HEXD: variants seen among roughly 807,000 people sequenced by gnomAD.
HEXD encodes the protein hexosaminidase D.
A neutral mutation model predicts 54.2 loss-of-function variants in HEXD; 47 were observed. The ratio of observed to expected loss-of-function variants is 0.87; its 90% CI spans 0.69 to 1.11. The LOEUF (loss-of-function observed/expected upper bound fraction) is 1.11. Among genes scored for constraint, HEXD ranks in the 50% least tolerant of loss-of-function variants. The probability of loss-of-function intolerance (pLI) is 0.00; values close to 1 mark genes in which losing one functional copy is unlikely to be tolerated. For missense variants in HEXD, 576 were observed against 649.2 expected, an observed-to-expected ratio of 0.89 and a Z score of 1.23; for synonymous variants, 293 against 287.6, an observed-to-expected ratio of 1.02 and a Z score of -0.19.
intron 2 of HEXD, among the ~76,000 whole-genome samples, chr17:82,421,195 C>T (rs1022160752): frequency 2.0e-5 from 3 of 152,016 alleles, no homozygotes; most frequent in Admixed American, 6.6e-5. Flanking sequence ...CAGGGGAGGC[C>T]GAGGCTGCAA....
intron 4 of HEXD, among the ~76,000 whole-genome samples, chr17:82,433,091 A>AAAAAAAAAAAAATATATAT (rs1555617647): frequency 7.6e-5 from 1 of 13,234 alleles, no homozygotes; most frequent in Non-Finnish European, 1.0e-4. Flanking sequence ...AAAAAAAAAA[A>AAAAAAAAAAAAATATATAT]ATATATATAT....
intron 4 of HEXD, among the ~76,000 whole-genome samples, chr17:82,433,103 T>A (rs1390792475): frequency 0.12 from 1,483 of 12,344 alleles, 270 homozygotes; most frequent in East Asian, 0.75. Context: ...TATATATATA[T>A]ATATATATAT....
chr17:82,438,350 T>A (rs921378062), intron 8 of HEXD, among the ~76,000 whole-genome samples: 11 of 152,070 alleles, frequency 7.2e-5, no homozygotes, highest in African/African-American at 2.2e-4. Flanking sequence ...CTGTCGTGGG[T>A]GTGGGGATGC....
intron 8 of HEXD, among the ~76,000 whole-genome samples, chr17:82,437,823 C>A (rs2053815332): frequency 6.6e-6 from 1 of 152,164 alleles, no homozygotes; most frequent in Non-Finnish European, 1.5e-5. Context: ...AGAGGTGGAG[C>A]CCTCGGAAGG....
At chr17:82,440,481 G>C in intron 9 of HEXD, 1 of 457,068 alleles carries the variant, frequency 2.2e-6, no homozygotes, top group East Asian at 9.5e-5. Context: ...AGTGTCCCTT[G>C]CCCACGGCCC....
At chr17:82,422,482 G>A (rs1480476498) in intron 2 of HEXD, among the ~76,000 whole-genome samples, 1 of 140,450 alleles carries the variant, frequency 7.1e-6, no homozygotes, top group Non-Finnish European at 1.5e-5. Flanking sequence ...GGGCGATAGA[G>A]CAAGACTCAG....
rs2053696898 is a variant in HEXD, at chr17:82,434,305, C to A, written c.447+483C>A. ...CCCAGGGGGTGCCAGAGATGTGCCC[C>A]CTCCAACCCAGTGAGCCCCCACCCT... On this transcript the variant is annotated intron_variant, in intron 5 of 12. Coordinates refer to ENST00000327949, the MANE Select transcript of HEXD (RefSeq NM_001330542.2). This position sits in a 1 kb window ranked among gnomAD's most constrained non-coding sequence, Gnocchi z 4.5. 6.6e-6 allele frequency among the ~76,000 whole-genome samples: 1 copy of A among 152,160 alleles called. No homozygotes were observed. The highest frequency in any genetic ancestry group is 1.9e-4 in the East Asian group (1 of 5,184).
chr17:82,440,231 G>A (rs758585368), intron 9 of HEXD: 84 of 1,289,088 alleles, frequency 6.5e-5, no homozygotes, highest in Non-Finnish European at 7.3e-5. Flanking sequence ...CAGGCCACAC[G>A]GGAAATTAGC....
intron 4 of HEXD, among the ~76,000 whole-genome samples, chr17:82,432,762 T>C (rs1322421160): frequency 6.6e-6 from 1 of 151,596 alleles, no homozygotes; most frequent in African/African-American, 2.4e-5. Flanking sequence ...TTAAACCGAT[T>C]TGGTTTTTAA....
intron 6 of HEXD, among the ~76,000 whole-genome samples, chr17:82,436,256 G>T (rs548096246): frequency 6.6e-5 from 10 of 152,254 alleles, no homozygotes; most frequent in African/African-American, 2.2e-4. Flanking sequence ...GGGCCAAGAG[G>T]TGGTACTCAG....
At chr17:82,432,881 G>A (rs1401651495) in intron 4 of HEXD, among the ~76,000 whole-genome samples, 6 of 147,156 alleles carry the variant, frequency 4.1e-5, no homozygotes, top group East Asian at 2.1e-4. Flanking sequence ...GGCTAACACG[G>A]TGAAACCCCG....
chr17:82,433,788 C>T lies in HEXD; in HGVS notation c.413C>T (p.Pro138Leu), dbSNP rs769432330. The change falls in exon 5 of 13, where the codon CCA becomes CTA. Residue 138 changes from proline (P) to leucine (L), a missense_variant. Transcript: ENST00000327949. ...AMIDQVLELHPGAQRLHIGCD... is the reference protein window; with the variant it reads ...AMIDQVLELHLGAQRLHIGCD... ...ATTGACCAGGTCCTGGAGCTACACC[C>T]AGGCGCCCAGCGGCTGCACATCGGG... The T allele has an allele frequency of 5.0e-6, 8 of 1,612,914 alleles. No individual in the cohort carries two copies. The Admixed American group carries it at 1.2e-4, about 24-fold the overall frequency.
chr17:82,438,561 T>C (rs1309930845), intron 8 of HEXD, among the ~76,000 whole-genome samples: 1 of 152,206 alleles, frequency 6.6e-6, no homozygotes. Flanking sequence ...AGAGCTAAGA[T>C]AAACCCCTGG....
chr17:82,424,747 G>T (rs181148569), intron 3 of HEXD, among the ~76,000 whole-genome samples: 57 of 152,372 alleles, frequency 3.7e-4, no homozygotes, highest in Non-Finnish European at 1.5e-5. Context: ...CATCAGCAGC[G>T]CCCCCTACAG....
rs1416253355 is a variant in HEXD at position 82,442,174 on chromosome 17, C to T, written c.1254-3C>T. The T allele has an allele frequency of 6.3e-7, 1 of 1,593,150 alleles. No individual in the cohort carries two copies. The highest frequency in any genetic ancestry group is 8.5e-7 in the Non-Finnish European group (1 of 1,172,578). On this transcript the variant is annotated splice_polypyrimidine_tract_variant and splice_region_variant and intron_variant, in intron 12 of 12. Transcript: ENST00000327949. This position sits in a 1 kb window ranked among gnomAD's most constrained non-coding sequence, Gnocchi z 6.8. ...TGTGCGTTCATGGCGCCCTCACCTG[C>T]AGCCTCCTGGCACAGTGGAGCACCC... is the stretch of plus-strand genomic sequence containing the variant.
rs766571464 is a variant in HEXD at position 82,442,324 on chromosome 17, G to A, written c.1401G>A (p.Glu467=). 1.9e-6 allele frequency: 3 copies of A among 1,610,548 alleles called. No homozygotes were observed. Among genetic ancestry groups the A allele is most frequent in the South Asian group, 1.1e-5 (1 of 91,088 alleles). The change falls in exon 13 of 13, where the codon GAG becomes GAA. Residue 467 remains glutamate (E), a synonymous_variant. Coordinates refer to ENST00000327949, the MANE Select transcript of HEXD (RefSeq NM_001330542.2). This position sits in a 1 kb window ranked among gnomAD's most constrained non-coding sequence, Gnocchi z 6.8. Reference sequence around the variant, plus strand: ...AAGCTCTGCTGCAGGACCTCAGCGAGGTGTCTGCCCCCCCGCTGCCACCCA... The same window carrying A: ...AAGCTCTGCTGCAGGACCTCAGCGAAGTGTCTGCCCCCCCGCTGCCACCCA... ...RLQALLQDLS[E]VSAPPLPPTS...
Position 82,419,734 on chromosome 17 carries a change from GA to G in HEXD, c.-51-14del. On this transcript the variant is annotated splice_polypyrimidine_tract_variant and intron_variant, in intron 1 of 12. Transcript: ENST00000327949. ...GCTTCTGCCCCTGTTGATAACTCTT[GA>G]TTTTCTCCACTAGGAAGAAGTCCCC... The G allele has an allele frequency of 2.0e-6, 2 of 1,015,726 alleles. No homozygotes were observed. Among genetic ancestry groups the G allele is most frequent in the Non-Finnish European group, 1.5e-6 (1 of 651,612 alleles). 62.9% of individuals were successfully genotyped at this position (1,015,726 alleles called of 1,614,324 possible). A position where few individuals can be genotyped will look rare whatever the true frequency, so the allele number is the denominator to read the frequency against.
rs578120968 is a variant in HEXD, at chr17:82,437,248, A to G, written c.784A>G (p.Ser262Gly). ...ASAFKGATGPSQAVPPVEHHL... is the reference protein window; with the variant it reads ...ASAFKGATGPGQAVPPVEHHL... ...TGCCTTCAAGGGTGCCACGGGGCCC[A>G]GCCAGGCCGTGCCCCCTGTTGAGCA... Residue 262 changes from serine (S) to glycine (G), a missense_variant, in exon 8 of 13, where the codon AGC becomes GGC. Transcript: ENST00000327949. 3.1e-6 allele frequency: 5 copies of G among 1,611,362 alleles called. No individual in the cohort carries two copies. The highest frequency in any genetic ancestry group is 4.2e-6 in the Non-Finnish European group (5 of 1,179,004).
intron 5 of HEXD, 97 bp downstream of exon 5, chr17:82,433,919 C>A: frequency 2.6e-6 from 3 of 1,154,964 alleles, no homozygotes; most frequent in Admixed American, 3.2e-5. Flanking sequence ...GGCCTAGAGA[C>A]AGGCTTGTTG....
Sources: allele counts gnomAD v4.1 joint callset (sites outside exome capture counted in the v4.1 genomes callset), GRCh38; gene constraint gnomAD v4.1.1; non-coding constraint Gnocchi (gnomAD v3.1); transcripts MANE v1.5; gene names NCBI Gene and HGNC (gene_info 2026-07-23, HGNC 2026-07-21).